ZNF184: variants seen among roughly 807,000 people sequenced by gnomAD.
The protein encoded by ZNF184 is zinc finger protein 184 (Kruppel-like).
In ZNF184, 16 loss-of-function variants were observed where a neutral mutation model predicts 54.4. That is an observed-to-expected ratio of 0.29 (90% CI 0.20 to 0.45). ZNF184 has a LOEUF of 0.45. ZNF184 is among the 20% of genes least tolerant of loss of function. ZNF184 has a pLI of 1.00. For missense variants in ZNF184, 681 were observed against 888.2 expected, an observed-to-expected ratio of 0.77 and a Z score of 2.97; for synonymous variants, 254 against 295.3, an observed-to-expected ratio of 0.86 and a Z score of 1.43.
the ZNF184 span, among the ~76,000 whole-genome samples, chr6:27,422,198 A>G: frequency 1.1e-5 from 1 of 94,988 alleles, no homozygotes; most frequent in Admixed American, 1.2e-4. Flanking sequence ...GAAAGAAAGA[A>G]AGAAAGAAAG....
At chr6:27,455,417 T>G (rs1371530091) in intron 5 of ZNF184, among the ~76,000 whole-genome samples, 1 of 152,234 alleles carries the variant, frequency 6.6e-6, no homozygotes, top group East Asian at 1.9e-4. Context: ...CAATGTACAT[T>G]TTAATGGTTT....
chr6:27,418,650 AG>A, the ZNF184 span, among the ~76,000 whole-genome samples: 1 of 152,054 alleles, frequency 6.6e-6, no homozygotes, highest in African/African-American at 2.4e-5. Context: ...AATTTACTGC[AG>A]ATTTTTTTCT....
intron 2 of ZNF184, among the ~76,000 whole-genome samples, chr6:27,468,618 C>T (rs528087719): frequency 6.6e-6 from 1 of 152,234 alleles, no homozygotes; most frequent in African/African-American, 2.4e-5. Context: ...AGAAACAACC[C>T]AAATGCCTTT....
At chr6:27,464,519 T>G (rs1581585508) in intron 3 of ZNF184, among the ~76,000 whole-genome samples, 1 of 150,664 alleles carries the variant, frequency 6.6e-6, no homozygotes, top group East Asian at 1.9e-4. Flanking sequence ...AATAGAATCA[T>G]AAGCATATTC....
the ZNF184 span, among the ~76,000 whole-genome samples, chr6:27,433,875 T>G: frequency 6.7e-6 from 1 of 149,832 alleles, no homozygotes; most frequent in Non-Finnish European, 1.5e-5. Context: ...TCTTTCTTCC[T>G]TCCTTCCCCT....
chr6:27,441,239 T>C, the ZNF184 span, among the ~76,000 whole-genome samples: 1 of 152,116 alleles, frequency 6.6e-6, no homozygotes, highest in Non-Finnish European at 1.5e-5. Context: ...TGTTTTTCTT[T>C]TCAGACAGGA....
chr6:27,425,349 C>T, the ZNF184 span, among the ~76,000 whole-genome samples: 1 of 152,218 alleles, frequency 6.6e-6, no homozygotes, highest in African/African-American at 2.4e-5. Context: ...GCGCCGAGAG[C>T]GAGCGAGGGC....
In ZNF184 at chr6:27,472,152, C is replaced by G; in HGVS notation, c.7+136G>C. ...CAGAATCTCTCCCTACAATGTAATTCGGTTTCTTTGCTAATCCCTAAGCAT... is the reference window on the plus strand; with the variant it reads ...CAGAATCTCTCCCTACAATGTAATTGGGTTTCTTTGCTAATCCCTAAGCAT... On this transcript the variant is annotated intron_variant, in intron 2 of 5. Coordinates refer to ENST00000683788, the MANE Select transcript of ZNF184 (RefSeq NM_001318891.2). This position sits in a 1 kb window ranked among gnomAD's most constrained non-coding sequence, Gnocchi z 4.8. 1 of 1,120,104 alleles carries G rather than the reference C, an allele frequency of 8.9e-7. No individual in the cohort carries two copies. The highest frequency in any genetic ancestry group is 1.3e-6 in the Non-Finnish European group (1 of 787,788). The allele number at this position is 1,120,104 out of a possible 1,614,324, so 69.4% of individuals were successfully genotyped here. A position where few individuals can be genotyped will look rare whatever the true frequency, so the allele number is the denominator to read the frequency against.
At chr6:27,444,831 ATTTCT>A in the ZNF184 span, among the ~76,000 whole-genome samples, 2 of 152,032 alleles carry the variant, frequency 1.3e-5, no homozygotes, top group East Asian at 3.9e-4. Context: ...CATCTTTCTG[ATTTCT>A]TTTTTTTAAG....
At chr6:27,420,019 A>G in the ZNF184 span, among the ~76,000 whole-genome samples, 3 of 151,976 alleles carry the variant, frequency 2.0e-5, no homozygotes, top group Admixed American at 2.0e-4. Context: ...TTTCCCTTTC[A>G]CATGTGCATG....
chr6:27,447,748 T>A (rs1487546190), downstream of ZNF184, among the ~76,000 whole-genome samples: 1 of 152,072 alleles, frequency 6.6e-6, no homozygotes, highest in Non-Finnish European at 1.5e-5. Context: ...AAAAGCTGAT[T>A]AAGTCATAAG....
the ZNF184 span, among the ~76,000 whole-genome samples, chr6:27,422,726 T>C: frequency 6.6e-6 from 1 of 152,288 alleles, no homozygotes; most frequent in South Asian, 2.1e-4. Context: ...AAATCAGCAC[T>C]ATGAACGCCA....
At chr6:27,468,692 A>G (rs976545970) in intron 2 of ZNF184, among the ~76,000 whole-genome samples, 9 of 152,232 alleles carry the variant, frequency 5.9e-5, no homozygotes, top group African/African-American at 2.2e-4. Context: ...AAATATAAGA[A>G]AGAGCTACTA....
chr6:27,437,265 A>G, the ZNF184 span, among the ~76,000 whole-genome samples: 1 of 152,188 alleles, frequency 6.6e-6, no homozygotes, highest in Admixed American at 6.5e-5. Context: ...TGAGCCTTTT[A>G]AAAGCAGAGA....
At chr6:27,424,017 T>C in the ZNF184 span, among the ~76,000 whole-genome samples, 1 of 152,224 alleles carries the variant, frequency 6.6e-6, no homozygotes, top group African/African-American at 2.4e-5. Flanking sequence ...ACTTCAAGAA[T>C]GAAGCCACGA....
At position 27,457,319 on chromosome 6, in the gene ZNF184, C is replaced by T; in HGVS notation, c.166G>A (p.Val56Met). The stretch of plus-strand genomic sequence containing the variant: ...AGGTGTGTATAATTTTCCAATGTCA[C>T]ATCCCTGAACAAATCTCTCTGGCCA... ...DPGQRDLFRD[V>M]TLENYTHLVS... Residue 56 changes from valine (V) to methionine (M), a missense_variant, in exon 4 of 6, where the codon GTG becomes ATG. By Grantham distance (21) the Val-to-Met change is conservative (BLOSUM62 1). Transcript: ENST00000683788. The T allele has an allele frequency of 6.2e-7, 1 of 1,614,092 alleles. No individual in the cohort carries two copies. Among genetic ancestry groups the T allele is most frequent in the Non-Finnish European group, 8.5e-7 (1 of 1,179,996 alleles).
chr6:27,441,007 AAAAATAAATAAAT>A, the ZNF184 span, among the ~76,000 whole-genome samples: 1 of 152,118 alleles, frequency 6.6e-6, no homozygotes, highest in Non-Finnish European at 1.5e-5. Context: ...TCTGTCTCAA[AAAAATAAATAAAT>A]AAAATAAATA....
rs1456906275 is a variant in ZNF184, at chr6:27,453,755, T to C, written c.299-495A>G. 6.6e-6 allele frequency among the ~76,000 whole-genome samples: 1 copy of C among 152,070 alleles called. No individual in the cohort carries two copies. The highest frequency in any genetic ancestry group is 2.4e-5 in the African/African-American group (1 of 41,386). ...TGCTAGATATGGGAAGAGTTGTAAA[T>C]AGTAGAGAAATAATTTAGCAGGGAG... On this transcript the variant is annotated intron_variant, in intron 5 of 5. Coordinates refer to ENST00000683788, the MANE Select transcript of ZNF184 (RefSeq NM_001318891.2). The surrounding 1 kb of genome is among the most constrained non-coding windows in gnomAD (Gnocchi z 4.7).
the ZNF184 span, among the ~76,000 whole-genome samples, chr6:27,434,782 T>G: frequency 6.6e-6 from 1 of 152,216 alleles, no homozygotes; most frequent in Non-Finnish European, 1.5e-5. Context: ...CTTCTAATGG[T>G]TGTATATTTT....
Sources: gnomAD v4.1 joint callset for allele counts (sites outside exome capture counted in the v4.1 genomes callset) on GRCh38, gnomAD v4.1.1 for gene constraint, Gnocchi (gnomAD v3.1) non-coding constraint, MANE v1.5 for transcripts, NCBI Gene and HGNC (gene_info 2026-07-23, HGNC 2026-07-21) for gene names.